The following PRDM8 variants were observed in gnomAD, a reference collection of about 807,000 sequenced individuals.
PRDM8 encodes PR/SET domain 8.
In PRDM8, 13 loss-of-function variants were observed where a neutral mutation model predicts 46.5. The ratio of observed to expected loss-of-function variants is 0.28; its 90% confidence interval spans 0.18 to 0.44. PRDM8 has a LOEUF of 0.44. Ranked by LOEUF, PRDM8 falls within the 20% of genes least tolerant of loss-of-function variation. The pLI, the probability that PRDM8 is intolerant of heterozygous loss-of-function variation, is 1.00. For missense variants in PRDM8, 998 were observed against 955.0 expected, an observed-to-expected ratio of 1.04 and a Z score of -0.59; for synonymous variants, 473 against 438.4, an observed-to-expected ratio of 1.08 and a Z score of -0.98.
Position 80,203,776 on chromosome 4 carries a change from A to C in PRDM8, c.*244A>C. Reference sequence around the variant, plus strand: ...CACACACACAGACACACTCACACACAAGAGCCAGGATGGTGGAGTTTTGAT... The same window carrying C: ...CACACACACAGACACACTCACACACCAGAGCCAGGATGGTGGAGTTTTGAT... On this transcript the variant is annotated 3_prime_UTR_variant, in exon 4 of 4. Coordinates refer to ENST00000415738, the MANE Select transcript of PRDM8 (RefSeq NM_001099403.2). The C allele has an allele frequency of 3.8e-5, 14 of 370,458 alleles. No homozygotes were observed. The highest frequency in any genetic ancestry group is 5.7e-5 in the Non-Finnish European group (12 of 209,634). The allele number at this position is 370,458 out of a possible 1,614,324, so 22.9% of individuals were successfully genotyped here. A position where few individuals can be genotyped will look rare whatever the true frequency, so the allele number is the denominator to read the frequency against.
upstream of PRDM8, among the ~76,000 whole-genome samples, chr4:80,194,449 T>C (rs1350535756): frequency 6.6e-6 from 1 of 152,224 alleles, no homozygotes; most frequent in Non-Finnish European, 1.5e-5. Flanking sequence ...TAAGTATTAA[T>C]GCAGAGTGAT....
Position 80,201,372 on chromosome 4 carries a change from A to G in PRDM8, c.302A>G (p.Gln101Arg). 1 of 1,614,260 alleles carries G rather than the reference A, an allele frequency of 6.2e-7. No individual in the cohort carries two copies. The highest frequency in any genetic ancestry group is 8.5e-7 in the Non-Finnish European group (1 of 1,180,044). The change falls in exon 3 of 4, where the codon CAG becomes CGG. Residue 101 changes from glutamine to arginine, a missense_variant. Gln to Arg is a conservative substitution (Grantham distance 43, BLOSUM62 1). Coordinates refer to ENST00000415738, the MANE Select transcript of PRDM8 (RefSeq NM_001099403.2). ...LVQSARDKEE[Q>R]NLEAYIKNGQ... is the part of the protein sequence containing the mutation. ...CAATCGGCCAGAGATAAGGAAGAGC[A>G]GAACCTTGAAGCCTACATAAAAAAC... is the stretch of plus-strand genomic sequence containing the variant.
At chr4:80,194,436 C>T (rs184211502), upstream of PRDM8, among the ~76,000 whole-genome samples, 205 of 152,222 alleles carry the variant, frequency 1.3e-3, no homozygotes, top group Non-Finnish European at 7.5e-4. Context: ...CAGTGAATTC[C>T]AGTAAGTATT....
At chr4:80,188,802 G>C (rs1037522220) in intron 1 of PRDM8, among the ~76,000 whole-genome samples, 1 of 152,256 alleles carries the variant, frequency 6.6e-6, no homozygotes, top group Admixed American at 6.5e-5. Context: ...CGTGGGCTAG[G>C]AGAAGGAGGC....
chr4:80,200,038 G>A, intron 1 of PRDM8, 41 bp from the exon 2 acceptor site: 1 of 1,534,994 alleles, frequency 6.5e-7, no homozygotes, highest in Non-Finnish European at 9.0e-7. Flanking sequence ...GTTAAAAGCA[G>A]TAACATAACT....
In PRDM8 at chr4:80,186,537, A is replaced by C. The variant is rs76424642; in HGVS notation, c.-983+1019A>C. On this transcript the variant is annotated intron_variant, in intron 1 of 9. Coordinates refer to the PRDM8 transcript ENST00000339711. ...GTGGAGTTGCTCCCTGCCCTCAAAG[A>C]AGCAGCAGCTCTGGGCGGGTAGGGT... Among the ~76,000 whole-genome samples, 6 of 151,900 alleles carry C rather than the reference A, an allele frequency of 3.9e-5. No homozygotes were observed. In the East Asian group the frequency reaches 9.7e-4, roughly 25 times the overall value.
In PRDM8 at chr4:80,200,319, G is replaced by T; in HGVS notation, c.219+20G>T. The T allele has an allele frequency of 6.3e-7, 1 of 1,576,688 alleles. No individual in the cohort carries two copies. Among genetic ancestry groups the T allele is most frequent in the Non-Finnish European group, 8.7e-7 (1 of 1,146,588 alleles). On this transcript the variant is annotated intron_variant, in intron 2 of 3. Coordinates refer to ENST00000415738, the MANE Select transcript of PRDM8 (RefSeq NM_001099403.2). The stretch of plus-strand genomic sequence containing the variant: ...TTTCGGGTAAGTCTCCACTGTAGCT[G>T]TGTAGGTGTATGAGGGTAATGTCCT...
At chr4:80,187,058 T>C (rs1467276393) in intron 1 of PRDM8, among the ~76,000 whole-genome samples, 3 of 152,054 alleles carry the variant, frequency 2.0e-5, no homozygotes, top group Non-Finnish European at 4.4e-5. Flanking sequence ...CCAGGAAAAA[T>C]AAATCTTTTT....
At position 80,197,546 on chromosome 4, in the gene PRDM8, C is replaced by T. The variant is rs1452490586; in HGVS notation, c.-220C>T. On this transcript the variant is annotated 5_prime_UTR_variant, in exon 1 of 4. Coordinates refer to ENST00000415738, the MANE Select transcript of PRDM8 (RefSeq NM_001099403.2). ...ATCTGTACAACTCTCTCCGTTTCTC[C>T]GTCTCTCTCCCTCCCTCCCTCCCTC... The T allele has an allele frequency of 1.2e-5, 12 of 985,060 alleles. No individual in the cohort carries two copies. Among genetic ancestry groups the T allele is most frequent in the Non-Finnish European group, 1.4e-5 (12 of 829,404 alleles). 61.0% of individuals were successfully genotyped at this position (985,060 alleles called of 1,614,324 possible).
Position 80,198,999 on chromosome 4 carries a change from T to G in PRDM8, c.-2-1080T>G, listed in dbSNP as rs1349904874. On this transcript the variant is annotated intron_variant, in intron 1 of 3. Transcript: ENST00000415738. ...TTTTGGGTTTTTTTTTTTTTGTTTT[T>G]TTTTTTTTTTTTTTTTTTTAGTGAT... 2.1e-3 allele frequency among the ~76,000 whole-genome samples: 252 copies of G among 118,542 alleles called. 1 individual carries two copies. The highest frequency in any genetic ancestry group is 4.8e-3 in the South Asian group (18 of 3,716). The allele number at this position is 118,542 out of a possible 152,430, so 77.8% of individuals were successfully genotyped here.
chr4:80,197,361 C>T (rs1036670338), upstream of PRDM8: 10 of 966,932 alleles, frequency 1.0e-5, no homozygotes, highest in African/African-American at 1.4e-4. Flanking sequence ...CGCGGGCAGG[C>T]CGGGGGAAAA....
chr4:80,197,249 C>T (rs968800718), upstream of PRDM8: 8 of 984,888 alleles, frequency 8.1e-6, no homozygotes, highest in African/African-American at 1.4e-4. Context: ...AACGATTTTC[C>T]CCTCCTAGCA....
In PRDM8 at chr4:80,202,276, C is replaced by T. The variant is rs202018297; in HGVS notation, c.814C>T (p.Arg272Trp). ...HNLARELENS[R>W]GGSSCSPAQS... is the part of the protein sequence containing the mutation. ...CCTGGCCAGGGAGCTGGAAAACTCC[C>T]GGGGAGGCAGCAGCTGCTCCCCAGC... Residue 272 changes from arginine (R) to tryptophan (W), a missense_variant, in exon 4 of 4, where the codon CGG (arginine) becomes TGG (tryptophan). Arg to Trp is a moderately radical substitution (Grantham distance 101). Transcript: ENST00000415738. 27 of 1,609,828 alleles carry T rather than the reference C, an allele frequency of 1.7e-5. No individual in the cohort carries two copies. The highest frequency in any genetic ancestry group is 1.7e-5 in the Non-Finnish European group (20 of 1,179,194).
upstream of PRDM8, chr4:80,197,230 CA>C (rs921633431): frequency 9.1e-6 from 9 of 985,362 alleles, no homozygotes; most frequent in Admixed American, 6.1e-5. Flanking sequence ...CCTTCCTTTC[CA>C]ATCCTGAAAC....
intron 1 of PRDM8, among the ~76,000 whole-genome samples, chr4:80,189,041 C>G (rs774240146): frequency 1.3e-5 from 2 of 152,150 alleles, no homozygotes; most frequent in Non-Finnish European, 1.5e-5. Flanking sequence ...CTGGAGCCAT[C>G]CACCCGGTCC....
intron 1 of PRDM8, 46 bp from the exon 2 acceptor site, chr4:80,200,033 A>G (rs769945515): frequency 5.3e-6 from 8 of 1,513,730 alleles, no homozygotes; most frequent in Non-Finnish European, 7.3e-6. Flanking sequence ...ATGGCGTTAA[A>G]AGCAGTAACA....
At position 80,202,282 on chromosome 4, in the gene PRDM8, G is replaced by A. The variant is rs1578263727; in HGVS notation, c.820G>A (p.Gly274Ser). ...CAGGGAGCTGGAAAACTCCCGGGGA[G>A]GCAGCAGCTGCTCCCCAGCCCAGAG... ...LARELENSRG[G>S]SSCSPAQSLS... The change falls in exon 4 of 4, where the codon GGC (glycine) becomes AGC (serine). Residue 274 changes from glycine (G) to serine (S), a missense_variant. Coordinates refer to ENST00000415738, the MANE Select transcript of PRDM8 (RefSeq NM_001099403.2). The A allele has an allele frequency of 6.2e-6, 10 of 1,609,562 alleles. No homozygotes were observed. The East Asian group carries it at 2.2e-4, about 36-fold the overall frequency.
intron 1 of PRDM8, among the ~76,000 whole-genome samples, chr4:80,186,500 A>G (rs1737100826): frequency 6.7e-6 from 1 of 148,824 alleles, no homozygotes; most frequent in Non-Finnish European, 1.5e-5. Context: ...GCCAAAGAGG[A>G]AAGTTGCTAA....
chr4:80,203,300 C>T lies in PRDM8; in HGVS notation c.1838C>T (p.Pro613Leu). 1.2e-6 allele frequency: 2 copies of T among 1,610,716 alleles called. No individual in the cohort carries two copies. The highest frequency in any genetic ancestry group is 1.7e-6 in the Non-Finnish European group (2 of 1,179,098). The change falls in exon 4 of 4, where the codon CCG (proline) becomes CTG (leucine). Residue 613 changes from proline (P) to leucine (L), a missense_variant. Coordinates refer to ENST00000415738, the MANE Select transcript of PRDM8 (RefSeq NM_001099403.2). ...CTGCCCTCGGCGCTCACGCTGCTGC[C>T]GCCCTCCTTCACCTCGCTGTGTCTG... is the stretch of plus-strand genomic sequence containing the variant. ...LQLPSALTLL[P>L]PSFTSLCLPA...
Sources: allele counts gnomAD v4.1 joint callset (sites outside exome capture counted in the v4.1 genomes callset), GRCh38; gene constraint gnomAD v4.1.1; transcripts MANE v1.5; gene names NCBI Gene and HGNC (gene_info 2026-07-23, HGNC 2026-07-21).